The following NAV3 variants were observed in gnomAD, a reference collection of about 807,000 sequenced individuals.
NAV3 encodes neuron navigator 3.
NAV3 carries 87 observed loss-of-function variants against 244.7 expected under a neutral mutation model. The ratio of observed to expected loss-of-function variants is 0.36; its 90% confidence interval spans 0.30 to 0.42. The LOEUF is 0.42. Among genes scored for constraint, NAV3 ranks in the 20% least tolerant of loss-of-function variants. NAV3 has a pLI of 1.00. For synonymous variants in NAV3, 1,126 were observed against 1,042.2 expected (o/e 1.08, Z -1.55); for missense variants, 2,663 against 2,893.3 (o/e 0.92, Z 1.83).
At chr12:77,949,427 T>C (rs753471396) in intron 3 of NAV3, among the ~76,000 whole-genome samples, 1 of 152,066 alleles carries the variant, frequency 6.6e-6, no homozygotes, top group Admixed American at 6.6e-5. Flanking sequence ...TTTAGACTTA[T>C]TAACAAATAA....
chr12:77,726,866 T>A (rs1876900207), intron 2 of NAV3, among the ~76,000 whole-genome samples: 1 of 151,896 alleles, frequency 6.6e-6, no homozygotes, highest in Admixed American at 6.6e-5. Context: ...GAAAAATGGC[T>A]TGGGATGAAG....
Position 77,669,529 on chromosome 12 carries a change from C to G in NAV3, c.72+97263C>G, listed in dbSNP as rs189875683. Among the ~76,000 whole-genome samples the G allele has an allele frequency of 5.9e-4, 90 of 151,958 alleles. 1 individual carries two copies. Among genetic ancestry groups the G allele is most frequent in the African/African-American group, 1.9e-3 (80 of 41,450 alleles). On this transcript the variant is annotated intron_variant, in intron 2 of 8. Coordinates refer to the NAV3 transcript ENST00000550042. ...AAAAGGTATTCCATGCAAATGGACA[C>G]CAAATGCAAGCAGGAATAGCTATTC...
In NAV3 at chr12:78,199,016, T is replaced by C. The variant is rs1959320804; in HGVS notation, c.6519-319T>C. 5.7e-6 allele frequency: 3 copies of C among 529,602 alleles called. No individual in the cohort carries two copies. The African/African-American group carries it at 5.7e-5, about 10-fold the overall frequency. The allele number at this position is 529,602 out of a possible 1,614,324, so 32.8% of individuals were successfully genotyped here. ...AAGTAGAGCATATTCCTTCTAAGTGTGAGAAATGTGAAGAGAGTTGCTATT... is the reference window on the plus strand; with the variant it reads ...AAGTAGAGCATATTCCTTCTAAGTGCGAGAAATGTGAAGAGAGTTGCTATT... On this transcript the variant is annotated intron_variant, in intron 36 of 39. Transcript: ENST00000397909.
chr12:77,701,483 A>G (rs1875560181), intron 2 of NAV3, among the ~76,000 whole-genome samples: 1 of 151,854 alleles, frequency 6.6e-6, no homozygotes, highest in Non-Finnish European at 1.5e-5. Flanking sequence ...TTTCAAGGAA[A>G]CAACTTTTGA....
At chr12:78,078,437 C>A in intron 12 of NAV3, among the ~76,000 whole-genome samples, 1 of 120,680 alleles carries the variant, frequency 8.3e-6, no homozygotes, top group South Asian at 2.7e-4. Flanking sequence ...GCTCTGTCGC[C>A]CAGGCTGGAG....
At chr12:78,147,674 T>G (rs2139206310) in intron 21 of NAV3, among the ~76,000 whole-genome samples, 1 of 151,556 alleles carries the variant, frequency 6.6e-6, no homozygotes, top group South Asian at 2.1e-4. Flanking sequence ...AAGTGTCTAC[T>G]GTTTCCAGCT....
At position 77,580,647 on chromosome 12, in the gene NAV3, C is replaced by T. The variant is rs79470518; in HGVS notation, c.72+8381C>T. Among the ~76,000 whole-genome samples the T allele has an allele frequency of 1.0e-2, 1,520 of 152,274 alleles. 22 individuals are homozygous for T. Among genetic ancestry groups the T allele is most frequent in the African/African-American group, 0.034 (1,418 of 41,548 alleles). On this transcript the variant is annotated intron_variant, in intron 2 of 8. Transcript: ENST00000550042. ...TCATGGTACATTTTAATAGTGTTTA[C>T]TGTCTAAACCCTAAATATTAGAGTT... is the stretch of plus-strand genomic sequence containing the variant.
intron 2 of NAV3, among the ~76,000 whole-genome samples, chr12:77,626,239 C>G (rs1182339381): frequency 6.7e-6 from 1 of 148,982 alleles, no homozygotes; most frequent in Non-Finnish European, 1.5e-5. Context: ...TTGAAATAAT[C>G]TAGTCAGACC....
intron 2 of NAV3, among the ~76,000 whole-genome samples, chr12:77,657,054 A>G (rs1270256107): frequency 6.6e-6 from 1 of 152,156 alleles, no homozygotes; most frequent in Non-Finnish European, 1.5e-5. Context: ...AAGAACTAGA[A>G]AAGCAAGAGC....
chr12:77,986,507 G>A lies in NAV3; in HGVS notation c.672-8296G>A, dbSNP rs549050778. On this transcript the variant is annotated intron_variant, in intron 5 of 39. Transcript: ENST00000397909. ...TAAGAAGCTTGATAGAATCCAAAGAGCTAAAGTCGATACATTATATGAGGT... is the reference window on the plus strand; with the variant it reads ...TAAGAAGCTTGATAGAATCCAAAGAACTAAAGTCGATACATTATATGAGGT... Among the ~76,000 whole-genome samples, 4 of 152,226 alleles carry A rather than the reference G, an allele frequency of 2.6e-5. No individual in the cohort carries two copies. The East Asian group carries it at 7.7e-4, about 29-fold the overall frequency.
At chr12:77,773,962 T>C (rs769643890) in intron 2 of NAV3, among the ~76,000 whole-genome samples, 9 of 152,216 alleles carry the variant, frequency 5.9e-5, no homozygotes, top group Non-Finnish European at 8.8e-5. Flanking sequence ...ACTATTATAC[T>C]TTTTATTATG....
chr12:77,678,676 C>T (rs1362630056), intron 2 of NAV3, among the ~76,000 whole-genome samples: 2 of 152,078 alleles, frequency 1.3e-5, no homozygotes, highest in Non-Finnish European at 2.9e-5. Context: ...TGCTGTTTAC[C>T]CCTTTCTCAA....
chr12:77,614,011 C>T (rs968625505), intron 2 of NAV3, among the ~76,000 whole-genome samples: 3 of 149,518 alleles, frequency 2.0e-5, no homozygotes, highest in Non-Finnish European at 4.5e-5. Flanking sequence ...TGGATGTGGG[C>T]CTTGCTACTG....
chr12:77,916,899 G>A (rs567487078), intron 1 of NAV3, among the ~76,000 whole-genome samples: 2 of 151,760 alleles, frequency 1.3e-5, no homozygotes, highest in Admixed American at 1.3e-4. Context: ...CAAATACATA[G>A]AAGATAGAAT....
At chr12:77,908,706 T>A (rs1886264725) in intron 1 of NAV3, among the ~76,000 whole-genome samples, 1 of 152,060 alleles carries the variant, frequency 6.6e-6, no homozygotes, top group African/African-American at 2.4e-5. Flanking sequence ...ATGAGTAGAT[T>A]TTTTTCACTG....
chr12:77,874,208 T>C (rs1035706581), intron 1 of NAV3, among the ~76,000 whole-genome samples: 1 of 151,980 alleles, frequency 6.6e-6, no homozygotes, highest in Non-Finnish European at 1.5e-5. Context: ...TGGTATTCTT[T>C]CTATTTATTT....
chr12:78,032,284 G>A (rs1338344487), intron 9 of NAV3, among the ~76,000 whole-genome samples: 2 of 152,150 alleles, frequency 1.3e-5, no homozygotes, highest in South Asian at 2.1e-4. Context: ...TAAGTTAGTT[G>A]GAGAGCTTAG....
chr12:77,685,278 C>G (rs1874667971), intron 2 of NAV3, among the ~76,000 whole-genome samples: 1 of 152,174 alleles, frequency 6.6e-6, no homozygotes, highest in African/African-American at 2.4e-5. Flanking sequence ...ACGAAATTTG[C>G]TAAGCGCCTT....
At chr12:77,588,316 A>G (rs752458362) in intron 2 of NAV3, among the ~76,000 whole-genome samples, 29 of 151,726 alleles carry the variant, frequency 1.9e-4, no homozygotes, top group Admixed American at 9.9e-4. Flanking sequence ...AAAGGGTCCC[A>G]CTACGTTGCC....
Sources: gnomAD v4.1 joint callset for allele counts (sites outside exome capture counted in the v4.1 genomes callset) on GRCh38, gnomAD v4.1.1 for gene constraint, MANE v1.5 for transcripts, NCBI Gene and HGNC (gene_info 2026-07-23, HGNC 2026-07-21) for gene names.